The following ABL2 variants were observed in gnomAD, a reference collection of about 807,000 sequenced individuals.
The protein encoded by ABL2 is tyrosine-protein kinase ABL2.
In ABL2, 49 loss-of-function variants were observed where a neutral mutation model predicts 107.7. The observed-to-expected ratio is 0.45, with a 90% CI of 0.36 to 0.58. ABL2 has a LOEUF of 0.58. Ranked by LOEUF, ABL2 falls within the 20% of genes least tolerant of loss-of-function variation. The probability of loss-of-function intolerance (pLI) is 0.00; values close to 1 mark genes in which losing one functional copy is unlikely to be tolerated. For missense variants in ABL2, 1,245 were observed against 1,457.0 expected (o/e 0.85, Z 2.37); for synonymous variants, 549 against 548.6 (o/e 1.00, Z -0.01).
intron 1 of ABL2, among the ~76,000 whole-genome samples, chr1:179,219,967 TAA>T (rs1662783269): frequency 6.6e-6 from 1 of 152,260 alleles, no homozygotes; most frequent in African/African-American, 2.4e-5. Flanking sequence ...GCCTGGCACT[TAA>T]GAGTCTCGTA....
At chr1:179,137,105 T>C (rs527714625) in intron 1 of ABL2, among the ~76,000 whole-genome samples, 9 of 152,234 alleles carry the variant, frequency 5.9e-5, no homozygotes, top group Admixed American at 5.9e-4. Flanking sequence ...AGTTCTGATA[T>C]CATGGAAAGT....
intron 1 of ABL2, among the ~76,000 whole-genome samples, chr1:179,225,772 T>C (rs2124876512): frequency 6.6e-6 from 1 of 152,112 alleles, no homozygotes; most frequent in South Asian, 2.1e-4. Flanking sequence ...CCGGAAGCGG[T>C]GGCTCATGCC....
intron 1 of ABL2, among the ~76,000 whole-genome samples, chr1:179,199,695 T>C (rs577825973): frequency 1.3e-4 from 19 of 151,486 alleles, no homozygotes; most frequent in East Asian, 1.2e-3. Context: ...AATTTTAACA[T>C]AGATCTATCT....
chr1:179,197,606 C>T (rs890070492), intron 1 of ABL2, among the ~76,000 whole-genome samples: 3 of 149,936 alleles, frequency 2.0e-5, no homozygotes, highest in East Asian at 1.9e-4. Flanking sequence ...AGGTGGCTCA[C>T]GCCTGTAATC....
intron 1 of ABL2, among the ~76,000 whole-genome samples, chr1:179,188,648 A>AG (rs1226537291): frequency 2.0e-5 from 3 of 152,132 alleles, no homozygotes; most frequent in Non-Finnish European, 4.4e-5. Context: ...TAGTAAATAA[A>AG]TATTTAGTTA....
rs181803587 is a variant in ABL2, at chr1:179,196,242, T to C, written c.157+32999A>G. Among the ~76,000 whole-genome samples the C allele has an allele frequency of 2.6e-3, 390 of 152,358 alleles. 1 individual carries two copies. The highest frequency in any genetic ancestry group is 4.5e-3 in the Non-Finnish European group (309 of 68,036). ...ATAACATGGTTTTTTGTCTTGTTTT[T>C]GGAGTTCTGTGTTTTTCTATTCAAA... On this transcript the variant is annotated intron_variant, in intron 1 of 11. Coordinates refer to ENST00000502732, the MANE Select transcript of ABL2 (RefSeq NM_007314.4).
At chr1:179,167,329 T>C (rs1464217535) in intron 1 of ABL2, among the ~76,000 whole-genome samples, 2 of 152,196 alleles carry the variant, frequency 1.3e-5, no homozygotes, top group Admixed American at 6.5e-5. Flanking sequence ...AAATACCACA[T>C]GTTCTCGCTT....
rs371588734 is a variant in ABL2, at chr1:179,108,892, G to C, written c.2375C>G (p.Pro792Arg). 9 of 1,614,042 alleles carry C rather than the reference G, an allele frequency of 5.6e-6. No homozygotes were observed. Among genetic ancestry groups the C allele is most frequent in the Non-Finnish European group, 7.6e-6 (9 of 1,180,044 alleles). Residue 792 changes from proline (P) to arginine (R), a missense_variant, in exon 12 of 12, where the codon CCA (proline) becomes CGA (arginine). Transcript: ENST00000502732. Reference sequence around the variant, plus strand: ...GGTCATTGCCATCCTATCCTGCTCTGGAAGCCCTGAGGACATGGAAGATGT... The same window carrying C: ...GGTCATTGCCATCCTATCCTGCTCTCGAAGCCCTGAGGACATGGAAGATGT... ...NSTSSMSSGLPEQDRMAMTLP... is the reference protein window; with the variant it reads ...NSTSSMSSGLREQDRMAMTLP...
At chr1:179,130,726 T>TTTTGTGTGTG (rs1553220073) in intron 3 of ABL2, among the ~76,000 whole-genome samples, 1 of 142,722 alleles carries the variant, frequency 7.0e-6, no homozygotes, top group East Asian at 2.1e-4. Flanking sequence ...ATTATTGATT[T>TTTTGTGTGTG]TGTGTGTGTG....
chr1:179,167,248 T>C (rs933852277), intron 1 of ABL2, among the ~76,000 whole-genome samples: 4 of 152,158 alleles, frequency 2.6e-5, no homozygotes, highest in South Asian at 2.1e-4. Context: ...AATGAAATCA[T>C]GTCATCTGCA....
intron 1 of ABL2, among the ~76,000 whole-genome samples, chr1:179,135,478 G>A (rs1400967142): frequency 6.6e-6 from 1 of 150,680 alleles, no homozygotes; most frequent in African/African-American, 2.4e-5. Context: ...TGAGAAGTGA[G>A]GAGCCCCTCC....
chr1:179,121,856 A>G lies in ABL2; in HGVS notation c.699T>C (p.Thr233=). Residue 233 remains threonine, a synonymous_variant, in exon 5 of 12, where the codon ACT becomes ACC. Transcript: ENST00000502732. ...NTTADGKVYV[T]AESRFSTLAE... ...CCAAGGTGCTGAAGCGGCTCTCAGCAGTCACATACACCTGGTAAGAAAAGG... is the reference window on the plus strand; with the variant it reads ...CCAAGGTGCTGAAGCGGCTCTCAGCGGTCACATACACCTGGTAAGAAAAGG... The G allele has an allele frequency of 6.2e-7, 1 of 1,612,690 alleles. No individual in the cohort carries two copies. The highest frequency in any genetic ancestry group is 8.5e-7 in the Non-Finnish European group (1 of 1,179,324).
intron 3 of ABL2, among the ~76,000 whole-genome samples, chr1:179,127,260 G>A (rs921561677): frequency 3.9e-5 from 6 of 152,104 alleles, no homozygotes; most frequent in African/African-American, 1.2e-4. Flanking sequence ...GTTTAGTGGG[G>A]TGAGGGGAAT....
intron 2 of ABL2, 103 bp downstream of exon 2, chr1:179,133,209 A>C: frequency 4.5e-6 from 7 of 1,555,688 alleles, no homozygotes; most frequent in Non-Finnish European, 6.1e-6. Flanking sequence ...GAAAGGAAAA[A>C]CCCTTGAATT....
chr1:179,126,350 TTAAA>T lies in ABL2; in HGVS notation c.687+23_687+26del, dbSNP rs1655718192. The T allele has an allele frequency of 1.9e-6, 3 of 1,601,826 alleles. No homozygotes were observed. The highest frequency in any genetic ancestry group is 2.6e-6 in the Non-Finnish European group (3 of 1,170,010). On this transcript the variant is annotated intron_variant, in intron 4 of 11. Coordinates refer to ENST00000502732, the MANE Select transcript of ABL2 (RefSeq NM_007314.4). The surrounding 1 kb of genome is among the most constrained non-coding windows in gnomAD (Gnocchi z 4.4). ...ATTTCACAGAGTAGCCAGTCCATGC[TTAAA>T]GGTGGTGACCAGGGAGTCTTACCTT...
chr1:179,207,320 T>C (rs1662032099), intron 1 of ABL2, among the ~76,000 whole-genome samples: 1 of 152,168 alleles, frequency 6.6e-6, no homozygotes, highest in South Asian at 2.1e-4. Flanking sequence ...CCAATCAGAA[T>C]GTTAGCATTA....
chr1:179,154,848 G>T (rs1158213033), intron 1 of ABL2, among the ~76,000 whole-genome samples: 2 of 152,180 alleles, frequency 1.3e-5, no homozygotes, highest in Non-Finnish European at 2.9e-5. Context: ...ATTTGGGAAA[G>T]ACTCATCTTT....
Position 179,105,666 on chromosome 1 carries a change from C to T in ABL2, c.*2052G>A, listed in dbSNP as rs1653423599. On this transcript the variant is annotated 3_prime_UTR_variant, in exon 12 of 12. Coordinates refer to ENST00000502732, the MANE Select transcript of ABL2 (RefSeq NM_007314.4). ...GCCAGGAATGCCCAGCACCGCGTGTCTCCTCTAATCCTCTTAACCTGGGCC... is the reference window on the plus strand; with the variant it reads ...GCCAGGAATGCCCAGCACCGCGTGTTTCCTCTAATCCTCTTAACCTGGGCC... 3 of 226,952 alleles carry T rather than the reference C, an allele frequency of 1.3e-5. No individual in the cohort carries two copies. Among genetic ancestry groups the T allele is most frequent in the African/African-American group, 2.2e-5 (1 of 44,980 alleles). The allele number at this position is 226,952 out of a possible 1,614,324, so 14.1% of individuals were successfully genotyped here. A position where few individuals can be genotyped will look rare whatever the true frequency, so the allele number is the denominator to read the frequency against.
intron 1 of ABL2, among the ~76,000 whole-genome samples, chr1:179,144,846 C>T (rs1357206210): frequency 6.6e-6 from 1 of 152,020 alleles, no homozygotes; most frequent in African/African-American, 2.4e-5. Flanking sequence ...TCTCATTCTC[C>T]GGATTATAGA....
Sources: gnomAD v4.1 joint callset for allele counts (sites outside exome capture counted in the v4.1 genomes callset) on GRCh38, gnomAD v4.1.1 for gene constraint, Gnocchi (gnomAD v3.1) non-coding constraint, MANE v1.5 for transcripts, NCBI Gene and HGNC (gene_info 2026-07-23, HGNC 2026-07-21) for gene names.